The following MTUS2 variants were observed in gnomAD, a reference collection of about 807,000 sequenced individuals.
MTUS2 encodes the protein microtubule-associated tumor suppressor candidate 2.
In MTUS2, 40 loss-of-function variants were observed where a neutral mutation model predicts 114.1. The observed-to-expected ratio is 0.35, with a 90% CI of 0.27 to 0.46. MTUS2 has a LOEUF of 0.46. Among genes scored for constraint, MTUS2 ranks in the 20% least tolerant of loss-of-function variants. The pLI, the probability that MTUS2 is intolerant of heterozygous loss-of-function variation, is 1.00. For missense variants in MTUS2, 1,679 were observed against 1,705.4 expected, an observed-to-expected ratio of 0.98 and a Z score of 0.27; for synonymous variants, 688 against 672.0, an observed-to-expected ratio of 1.02 and a Z score of -0.37.
At chr13:29,443,060 G>A (rs1878010843) in intron 9 of MTUS2, among the ~76,000 whole-genome samples, 1 of 152,168 alleles carries the variant, frequency 6.6e-6, no homozygotes, top group African/African-American at 2.4e-5. Context: ...GGGTTCCAAG[G>A]CTTGGCAGTT....
intron 8 of MTUS2, among the ~76,000 whole-genome samples, chr13:29,388,409 A>C (rs77477440): frequency 0.059 from 8,905 of 150,936 alleles, 358 homozygotes; most frequent in South Asian, 0.092. Context: ...GGAATCCAGC[A>C]AAGTAGCATC....
At chr13:29,138,528 A>C (rs984992692) in intron 5 of MTUS2, among the ~76,000 whole-genome samples, 4 of 148,588 alleles carry the variant, frequency 2.7e-5, no homozygotes, top group Non-Finnish European at 4.5e-5. Context: ...TATAAACTTT[A>C]TAACTCAAGT....
At chr13:29,306,130 A>G (rs1420061746) in intron 6 of MTUS2, among the ~76,000 whole-genome samples, 4 of 152,248 alleles carry the variant, frequency 2.6e-5, no homozygotes, top group South Asian at 2.1e-4. Flanking sequence ...TATTGAAGGA[A>G]CATACCTCAG....
intron 4 of MTUS2, among the ~76,000 whole-genome samples, chr13:29,083,983 G>A (rs1383325224): frequency 6.6e-6 from 1 of 152,044 alleles, no homozygotes; most frequent in Admixed American, 6.5e-5. Flanking sequence ...TTTTTGTTCA[G>A]TAACTCCCCT....
intron 6 of MTUS2, among the ~76,000 whole-genome samples, chr13:29,303,917 C>T (rs1208594223): frequency 6.6e-6 from 1 of 152,160 alleles, no homozygotes; most frequent in African/African-American, 2.4e-5. Flanking sequence ...AAGGGAAACC[C>T]ATCAGACTAA....
intron 5 of MTUS2, chr13:29,239,610 T>G (rs1331312670): frequency 6.6e-6 from 1 of 152,258 alleles, no homozygotes; most frequent in East Asian, 1.9e-4. Flanking sequence ...CAAGGATTCA[T>G]GGTCTAGTGG....
chr13:28,857,420 A>C (rs1876703213), intron 2 of MTUS2, among the ~76,000 whole-genome samples: 1 of 152,228 alleles, frequency 6.6e-6, no homozygotes, highest in South Asian at 2.1e-4. Flanking sequence ...GACTCAGATA[A>C]GAACAAAATT....
chr13:29,276,897 CAAAT>C (rs541783538), intron 5 of MTUS2, among the ~76,000 whole-genome samples: 33 of 150,322 alleles, frequency 2.2e-4, no homozygotes, highest in South Asian at 1.5e-3. Flanking sequence ...GACTCCGTCT[CAAAT>C]AAATAAATAA....
chr13:29,159,658 A>G (rs995443961), intron 5 of MTUS2, among the ~76,000 whole-genome samples: 2 of 152,110 alleles, frequency 1.3e-5, no homozygotes, highest in East Asian at 1.9e-4. Context: ...GTAAAAAAAA[A>G]AATCCAATTA....
At chr13:29,236,605 T>A (rs1896544389) in intron 5 of MTUS2, among the ~76,000 whole-genome samples, 1 of 152,208 alleles carries the variant, frequency 6.6e-6, no homozygotes, top group Non-Finnish European at 1.5e-5. Context: ...ATAGTTACAG[T>A]ACACGACCAC....
At chr13:29,065,159 G>C (rs1387883669) in intron 4 of MTUS2, among the ~76,000 whole-genome samples, 2 of 152,124 alleles carry the variant, frequency 1.3e-5, no homozygotes, top group Non-Finnish European at 2.9e-5. Flanking sequence ...GAGATTGCTG[G>C]GTTGAATGGT....
chr13:29,448,911 G>A (rs1593455690), intron 9 of MTUS2, among the ~76,000 whole-genome samples: 1 of 151,750 alleles, frequency 6.6e-6, no homozygotes, highest in Non-Finnish European at 1.5e-5. Context: ...GGGCCACCAC[G>A]CCCGGCTAGT....
At chr13:28,962,473 G>A (rs1345566711) in intron 2 of MTUS2, among the ~76,000 whole-genome samples, 2 of 152,036 alleles carry the variant, frequency 1.3e-5, no homozygotes, top group African/African-American at 4.8e-5. Flanking sequence ...CCTTTTGCAA[G>A]GTTTTTTGTT....
intron 5 of MTUS2, among the ~76,000 whole-genome samples, chr13:29,275,804 C>T (rs7983780): frequency 0.15 from 23,510 of 152,166 alleles, 2,039 homozygotes; most frequent in African/African-American, 0.23. Context: ...CAAATTTTGG[C>T]AGTTGTGAAT....
intron 8 of MTUS2, among the ~76,000 whole-genome samples, chr13:29,391,047 G>A (rs1023978012): frequency 4.0e-5 from 6 of 151,854 alleles, no homozygotes; most frequent in Non-Finnish European, 8.8e-5. Flanking sequence ...AAAGTGCTGG[G>A]ATTAGAGGCA....
chr13:29,396,266 A>G lies in MTUS2; in HGVS notation c.3117+36793A>G, dbSNP rs116440105. Among the ~76,000 whole-genome samples, 947 of 152,342 alleles carry G rather than the reference A, an allele frequency of 6.2e-3. 8 individuals carry two copies. The highest frequency in any genetic ancestry group is 0.022 in the African/African-American group (903 of 41,580). ...ATTCAAAAGCACCAACACACTGAAC[A>G]TATAATTAATATGTAATAACTCCTT... is the stretch of plus-strand genomic sequence containing the variant. On this transcript the variant is annotated intron_variant, in intron 8 of 15. Coordinates refer to ENST00000612955, the MANE Select transcript of MTUS2 (RefSeq NM_001033602.4).
At chr13:29,431,804 G>A (rs565639947) in intron 8 of MTUS2, among the ~76,000 whole-genome samples, 6 of 152,156 alleles carry the variant, frequency 3.9e-5, no homozygotes, top group Non-Finnish European at 5.9e-5. Flanking sequence ...GAAATTTCCA[G>A]CATGAAAGCC....
chr13:28,860,691 G>A lies in MTUS2; in HGVS notation c.-243+20841G>A, dbSNP rs769206527. 5.3e-5 allele frequency among the ~76,000 whole-genome samples: 8 copies of A among 152,190 alleles called. 1 individual carries two copies. The highest frequency in any genetic ancestry group is 8.8e-5 in the Non-Finnish European group (6 of 68,032). Reference sequence around the variant, plus strand: ...CCATCCACCTCAGATGTTTCCCTGTGTGTGCTGGATATTGGAGGAACTAGG... The same window carrying A: ...CCATCCACCTCAGATGTTTCCCTGTATGTGCTGGATATTGGAGGAACTAGG... On this transcript the variant is annotated intron_variant, in intron 2 of 15. Transcript: ENST00000612955.
intron 8 of MTUS2, among the ~76,000 whole-genome samples, chr13:29,399,707 C>G (rs1054650883): frequency 6.6e-6 from 1 of 151,504 alleles, no homozygotes; most frequent in Admixed American, 6.6e-5. Context: ...ATGAAAGTTC[C>G]AGAAAAAAAG....
Sources: allele counts gnomAD v4.1 joint callset (sites outside exome capture counted in the v4.1 genomes callset), GRCh38; gene constraint gnomAD v4.1.1; transcripts MANE v1.5; gene names NCBI Gene and HGNC (gene_info 2026-07-23, HGNC 2026-07-21).